The following CUEDC1 variants were observed in gnomAD, a reference collection of about 807,000 sequenced individuals.
CUEDC1 encodes the protein CUE domain-containing protein 1.
In CUEDC1, 30 loss-of-function variants were observed where a neutral mutation model predicts 43.7. That is an observed-to-expected ratio of 0.69 (90% confidence interval 0.51 to 0.93). The LOEUF (loss-of-function observed/expected upper bound fraction) is 0.93, where lower values mean the gene tolerates loss of function less well. Among genes scored for constraint, CUEDC1 ranks in the 40% least tolerant of loss-of-function variants. The probability of loss-of-function intolerance (pLI) is 0.00; values close to 1 mark genes in which losing one functional copy is unlikely to be tolerated. For synonymous variants in CUEDC1, 223 were observed against 223.6 expected, an observed-to-expected ratio of 1.00 and a Z score of 0.02; for missense variants, 486 against 549.0, an observed-to-expected ratio of 0.89 and a Z score of 1.15.
intron 1 of CUEDC1, among the ~76,000 whole-genome samples, chr17:57,936,759 T>C (rs1473838606): frequency 6.6e-6 from 1 of 151,740 alleles, no homozygotes; most frequent in East Asian, 1.9e-4. Flanking sequence ...TATCTATCCT[T>C]TCTCAGGGCT....
At chr17:57,873,771 C>T (rs1597972868) in intron 3 of CUEDC1, 54 bp from the exon 4 acceptor site, 1 of 1,474,486 alleles carries the variant, frequency 6.8e-7, no homozygotes, top group Non-Finnish European at 9.0e-7. Flanking sequence ...AACCCCAGGT[C>T]TCCTGGCCCC....
intron 1 of CUEDC1, chr17:57,915,232 T>C (rs1259628557): frequency 1.6e-5 from 2 of 121,888 alleles, no homozygotes; most frequent in Non-Finnish European, 3.4e-5. Flanking sequence ...AAAGAGGTAT[T>C]AGAAAGTTCA....
intron 1 of CUEDC1, among the ~76,000 whole-genome samples, chr17:57,933,203 AG>A (rs11365764): frequency 0.27 from 41,227 of 152,066 alleles, 6,676 homozygotes; most frequent in African/African-American, 0.45. Context: ...ACGGGCAGCA[AG>A]GGGGGAGAAC....
chr17:57,884,595 C>G (rs2144963751), intron 2 of CUEDC1, among the ~76,000 whole-genome samples: 1 of 152,288 alleles, frequency 6.6e-6, no homozygotes, highest in Admixed American at 6.5e-5. Context: ...AGTTCCCTAG[C>G]CAGTGAGGCA....
chr17:57,939,335 G>A (rs1360206040), intron 1 of CUEDC1, among the ~76,000 whole-genome samples: 2 of 151,780 alleles, frequency 1.3e-5, no homozygotes, highest in East Asian at 1.9e-4. Context: ...AACAATCCCG[G>A]CTCACCGCAG....
At chr17:57,939,816 C>A (rs996121622) in intron 1 of CUEDC1, among the ~76,000 whole-genome samples, 1 of 152,106 alleles carries the variant, frequency 6.6e-6, no homozygotes, top group South Asian at 2.1e-4. Context: ...GGAAAGTGGA[C>A]GGGTGTATTT....
chr17:57,920,418 A>G (rs929525245), intron 1 of CUEDC1, among the ~76,000 whole-genome samples: 1 of 152,166 alleles, frequency 6.6e-6, no homozygotes, highest in Non-Finnish European at 1.5e-5. Context: ...CTCCATGCAC[A>G]CACACACACA....
At chr17:57,867,444 A>T in intron 8 of CUEDC1, 29 bp from the exon 9 acceptor site, 1 of 1,546,512 alleles carries the variant, frequency 6.5e-7, no homozygotes, top group South Asian at 1.2e-5. Context: ...AAACCGTCCC[A>T]GGGATGAGGG....
At chr17:57,880,635 G>C (rs1568033391) in intron 2 of CUEDC1, among the ~76,000 whole-genome samples, 2 of 152,142 alleles carry the variant, frequency 1.3e-5, no homozygotes, top group Non-Finnish European at 2.9e-5. Context: ...AGCCCAGAGA[G>C]GAGTTTGGGG....
intron 3 of CUEDC1, among the ~76,000 whole-genome samples, chr17:57,878,730 C>T (rs2074163918): frequency 6.6e-6 from 1 of 151,816 alleles, no homozygotes; most frequent in Non-Finnish European, 1.5e-5. Context: ...GCAGTGGCAC[C>T]ATCTTGGCTC....
chr17:57,866,547 G>C lies in CUEDC1; in HGVS notation c.1094-3C>G. 1 of 1,614,168 alleles carries C rather than the reference G, an allele frequency of 6.2e-7. No individual in the cohort carries two copies. Among genetic ancestry groups the C allele is most frequent in the Middle Eastern group, 1.6e-4 (1 of 6,062 alleles). ...ACGCCTGCCCCGGAAGTCTTCATCT[G>C]AAAAGGAGAGGGAAGCTGCCTCATC... On this transcript the variant is annotated splice_region_variant and splice_polypyrimidine_tract_variant and intron_variant, in intron 9 of 10. Coordinates refer to ENST00000577830, the MANE Select transcript of CUEDC1 (RefSeq NM_001271875.2).
At chr17:57,947,371 G>C (rs2074968864) in intron 1 of CUEDC1, among the ~76,000 whole-genome samples, 1 of 152,120 alleles carries the variant, frequency 6.6e-6, no homozygotes, top group African/African-American at 2.4e-5. Flanking sequence ...TTCATATTTG[G>C]TTCACTCTTA....
At chr17:57,880,844 T>C (rs1173839025) in intron 2 of CUEDC1, among the ~76,000 whole-genome samples, 2 of 141,664 alleles carry the variant, frequency 1.4e-5, no homozygotes, top group Non-Finnish European at 3.0e-5. Context: ...TGATCCACCA[T>C]AGGGGCGGCC....
chr17:57,878,389 T>TGCTA (rs2074156399), intron 3 of CUEDC1, among the ~76,000 whole-genome samples: 2 of 152,190 alleles, frequency 1.3e-5, no homozygotes, highest in Non-Finnish European at 2.9e-5. Flanking sequence ...GCTTAGTCAA[T>TGCTA]GCTAGCTACA....
At chr17:57,912,459 C>T (rs1365571796) in intron 1 of CUEDC1, 5 of 152,136 alleles carry the variant, frequency 3.3e-5, no homozygotes, top group African/African-American at 9.7e-5. Flanking sequence ...TCTGGGGTTC[C>T]GGACACTTAG....
In CUEDC1 at chr17:57,915,953, C is replaced by T. The variant is rs533118037; in HGVS notation, c.-315-30074G>A. Among the ~76,000 whole-genome samples the T allele has an allele frequency of 2.6e-5, 4 of 152,308 alleles. No individual in the cohort carries two copies. In the South Asian group the frequency reaches 8.3e-4, roughly 32 times the overall value. Reference sequence around the variant, plus strand: ...ATCAAACACAGAATTTAGTATTCACCATAGAACAATCATATGACAAAAACT... The same window carrying T: ...ATCAAACACAGAATTTAGTATTCACTATAGAACAATCATATGACAAAAACT... On this transcript the variant is annotated intron_variant, in intron 1 of 10. Coordinates refer to ENST00000577830, the MANE Select transcript of CUEDC1 (RefSeq NM_001271875.2).
At chr17:57,951,455 G>A (rs564311638) in intron 1 of CUEDC1, among the ~76,000 whole-genome samples, 3 of 151,954 alleles carry the variant, frequency 2.0e-5, no homozygotes, top group African/African-American at 7.2e-5. Flanking sequence ...TAAGCCAGTG[G>A]AGTTGGAACT....
chr17:57,890,603 C>G (rs1406066967), intron 1 of CUEDC1, among the ~76,000 whole-genome samples: 1 of 152,232 alleles, frequency 6.6e-6, no homozygotes, highest in Non-Finnish European at 1.5e-5. Context: ...AAGCCAGGAT[C>G]ACAGTGGCCC....
At chr17:57,895,672 C>T (rs1039748525) in intron 1 of CUEDC1, among the ~76,000 whole-genome samples, 1 of 152,230 alleles carries the variant, frequency 6.6e-6, no homozygotes, top group African/African-American at 2.4e-5. Flanking sequence ...GATCAAACCT[C>T]AGCGGATTAA....
Sources: allele counts gnomAD v4.1 joint callset (sites outside exome capture counted in the v4.1 genomes callset), GRCh38; gene constraint gnomAD v4.1.1; transcripts MANE v1.5; gene names NCBI Gene and HGNC (gene_info 2026-07-23, HGNC 2026-07-21).